MGMT: variants seen among roughly 807,000 people sequenced by gnomAD.
MGMT encodes methylated-DNA--protein-cysteine methyltransferase.
Under a neutral mutation model 15.9 loss-of-function variants are expected in MGMT, and 14 were observed. The ratio of observed to expected loss-of-function variants is 0.88; its 90% CI spans 0.58 to 1.37. MGMT has a LOEUF of 1.37. Ranked by LOEUF, MGMT falls within the 40% of genes most tolerant of loss-of-function variation. The pLI, the probability that MGMT is intolerant of heterozygous loss-of-function variation, is 0.00. For synonymous variants in MGMT, 130 were observed against 118.2 expected (o/e 1.10, Z -0.65); for missense variants, 282 against 268.1 (o/e 1.05, Z -0.36).
intron 2 of MGMT, among the ~76,000 whole-genome samples, chr10:129,546,747 G>A (rs902198838): frequency 2.6e-5 from 4 of 152,144 alleles, no homozygotes; most frequent in Non-Finnish European, 4.4e-5. Flanking sequence ...GAACACTGAC[G>A]TCAGATCTTC....
intron 3 of MGMT, among the ~76,000 whole-genome samples, chr10:129,756,052 A>G (rs936037426): frequency 6.6e-6 from 1 of 152,244 alleles, no homozygotes; most frequent in Non-Finnish European, 1.5e-5. Context: ...TCTGTGACAC[A>G]AAACGATTTC....
intron 2 of MGMT, among the ~76,000 whole-genome samples, chr10:129,591,253 C>G (rs946131839): frequency 6.6e-6 from 1 of 152,202 alleles, no homozygotes; most frequent in Admixed American, 6.5e-5. Context: ...AGTATGCTGC[C>G]TTGTGGAATC....
chr10:129,554,683 C>G (rs1426184961), intron 2 of MGMT, among the ~76,000 whole-genome samples: 1 of 152,124 alleles, frequency 6.6e-6, no homozygotes, highest in Non-Finnish European at 1.5e-5. Context: ...CTTCTGAAAT[C>G]AAATGTGACC....
chr10:129,647,229 C>T (rs1369880378), intron 2 of MGMT, among the ~76,000 whole-genome samples: 1 of 152,206 alleles, frequency 6.6e-6, no homozygotes, highest in Non-Finnish European at 1.5e-5. Context: ...TGCTCACCCG[C>T]CCAGCGTTAC....
At chr10:129,542,748 T>G (rs1450984551) in intron 2 of MGMT, among the ~76,000 whole-genome samples, 1 of 152,176 alleles carries the variant, frequency 6.6e-6, no homozygotes, top group Non-Finnish European at 1.5e-5. Flanking sequence ...AAATCGTCTG[T>G]TTTTCAAAAA....
chr10:129,534,658 C>T (rs1444312805), intron 1 of MGMT, among the ~76,000 whole-genome samples: 1 of 151,724 alleles, frequency 6.6e-6, no homozygotes, highest in Non-Finnish European at 1.5e-5. Flanking sequence ...GAAAGATCAG[C>T]TGGAGTGCTG....
At chr10:129,505,264 T>C (rs1389789537) in intron 1 of MGMT, among the ~76,000 whole-genome samples, 1 of 152,202 alleles carries the variant, frequency 6.6e-6, no homozygotes, top group Admixed American at 6.5e-5. Flanking sequence ...TATTTTCTAG[T>C]CTATTGATAA....
At chr10:129,491,041 T>C (rs2119656499) in intron 1 of MGMT, among the ~76,000 whole-genome samples, 1 of 152,286 alleles carries the variant, frequency 6.6e-6, no homozygotes, top group African/African-American at 2.4e-5. Flanking sequence ...TAGTCACTTT[T>C]GTCACTGTTT....
chr10:129,615,134 G>A (rs1372221330), intron 2 of MGMT, among the ~76,000 whole-genome samples: 2 of 152,218 alleles, frequency 1.3e-5, no homozygotes, highest in Non-Finnish European at 2.9e-5. Context: ...CCATCATATG[G>A]AGTGAGATGC....
At chr10:129,569,288 C>G (rs487120) in intron 2 of MGMT, among the ~76,000 whole-genome samples, 30 of 151,320 alleles carry the variant, frequency 2.0e-4, no homozygotes, top group East Asian at 4.0e-4. Flanking sequence ...GTGGTGGGGG[C>G]GGGGGTGAGG....
At chr10:129,713,345 G>A (rs2133147427) in intron 3 of MGMT, among the ~76,000 whole-genome samples, 1 of 152,288 alleles carries the variant, frequency 6.6e-6, no homozygotes, top group Admixed American at 6.5e-5. Context: ...AAAACAGCTG[G>A]TAAAAATGTA....
At chr10:129,536,176 T>G in intron 1 of MGMT, 65 bp from the exon 2 acceptor site, 1 of 1,543,618 alleles carries the variant, frequency 6.5e-7, no homozygotes. Context: ...GTACTTCTGT[T>G]GTGTGTTTTA....
intron 2 of MGMT, among the ~76,000 whole-genome samples, chr10:129,661,571 T>A (rs1464020988): frequency 5.9e-5 from 9 of 152,264 alleles, no homozygotes; most frequent in Non-Finnish European, 1.3e-4. Flanking sequence ...TCTTTGCTTT[T>A]TTCGATTGTT....
chr10:129,576,798 T>G (rs1017627888), intron 2 of MGMT, among the ~76,000 whole-genome samples: 10 of 152,128 alleles, frequency 6.6e-5, no homozygotes, highest in African/African-American at 1.4e-4. Flanking sequence ...CATCGTCTCA[T>G]CCCAAAATCT....
chr10:129,759,921 A>G (rs1848852669), intron 4 of MGMT, among the ~76,000 whole-genome samples: 1 of 152,158 alleles, frequency 6.6e-6, no homozygotes, highest in Non-Finnish European at 1.5e-5. Context: ...GACCTAGACC[A>G]CACGCACCTC....
At chr10:129,540,637 T>C (rs761544383) in intron 2 of MGMT, among the ~76,000 whole-genome samples, 1 of 152,254 alleles carries the variant, frequency 6.6e-6, no homozygotes, top group Non-Finnish European at 1.5e-5. Context: ...AAACCAGGTG[T>C]ATACTTTTCT....
intron 1 of MGMT, among the ~76,000 whole-genome samples, chr10:129,524,582 CTTTTTTTTTTTTTTT>C (rs66701664): frequency 2.9e-5 from 2 of 68,058 alleles, no homozygotes; most frequent in East Asian, 6.6e-4. Flanking sequence ...TCCAAAAAGA[CTTTTTTTTTTTTTTT>C]TTTTTTTTTT....
At chr10:129,633,253 C>T (rs1847230808) in intron 2 of MGMT, among the ~76,000 whole-genome samples, 1 of 152,128 alleles carries the variant, frequency 6.6e-6, no homozygotes, top group South Asian at 2.1e-4. Flanking sequence ...GGAAAGGAAA[C>T]CAACCTAGAC....
At chr10:129,482,767 A>C (rs1845371665) in intron 1 of MGMT, among the ~76,000 whole-genome samples, 1 of 152,016 alleles carries the variant, frequency 6.6e-6, no homozygotes. Context: ...TTTTATGTTG[A>C]ACCTGTTCTT....
Sources: allele counts gnomAD v4.1 joint callset (sites outside exome capture counted in the v4.1 genomes callset), GRCh38; gene constraint gnomAD v4.1.1; transcripts MANE v1.5; gene names NCBI Gene and HGNC (gene_info 2026-07-23, HGNC 2026-07-21).